Variants in MSRA observed in about 807,000 individuals in gnomAD.
MSRA encodes the protein mitochondrial peptide methionine sulfoxide reductase.
In MSRA, 54 loss-of-function variants were observed where a neutral mutation model predicts 31.3. The ratio of observed to expected loss-of-function variants is 1.73; its 90% confidence interval spans 1.39 to 2.17. The LOEUF is 2.17. MSRA is among the 30% of genes most tolerant of loss of function. The probability of loss-of-function intolerance (pLI) is 0.00; values close to 1 mark genes in which losing one functional copy is unlikely to be tolerated. For missense variants in MSRA, 507 were observed against 300.9 expected (o/e 1.69, Z -5.07); for synonymous variants, 169 against 116.5 (o/e 1.45, Z -2.90).
At chr8:10,298,642 A>C (rs1563323797) in intron 3 of MSRA, among the ~76,000 whole-genome samples, 1 of 152,184 alleles carries the variant, frequency 6.6e-6, no homozygotes, top group Non-Finnish European at 1.5e-5. Flanking sequence ...AATCATGAGC[A>C]TTAAATGGCA....
chr8:10,154,197 C>T (rs1390548691), intron 1 of MSRA, among the ~76,000 whole-genome samples: 1 of 152,212 alleles, frequency 6.6e-6, no homozygotes, highest in Admixed American at 6.5e-5. Flanking sequence ...GTCACTGAAT[C>T]TGTGTGGTGG....
intron 3 of MSRA, chr8:10,250,766 C>T (rs930158709): frequency 2.5e-5 from 9 of 357,762 alleles, no homozygotes; most frequent in East Asian, 9.3e-5. Context: ...GTGTCCTGTC[C>T]TGAGCCCGTT....
chr8:10,267,502 A>G (rs532096638), intron 3 of MSRA, among the ~76,000 whole-genome samples: 1 of 152,276 alleles, frequency 6.6e-6, no homozygotes, highest in Non-Finnish European at 1.5e-5. Context: ...TGACTGTGGT[A>G]TATGGCTCAG....
chr8:10,127,148 A>G (rs938886951), intron 1 of MSRA, among the ~76,000 whole-genome samples: 4 of 152,204 alleles, frequency 2.6e-5, no homozygotes, highest in African/African-American at 9.6e-5. Flanking sequence ...TCCTCTCTGT[A>G]GGATATCTGT....
intron 5 of MSRA, among the ~76,000 whole-genome samples, chr8:10,380,172 G>GT (rs1215423286): frequency 2.0e-5 from 3 of 152,316 alleles, no homozygotes; most frequent in Non-Finnish European, 2.9e-5. Flanking sequence ...TCTCTTGCCT[G>GT]TTTTTTGTTT....
intron 1 of MSRA, among the ~76,000 whole-genome samples, chr8:10,181,351 TG>T (rs925229470): frequency 7.9e-5 from 12 of 151,688 alleles, no homozygotes; most frequent in East Asian, 5.8e-4. Context: ...AAACACCCTG[TG>T]GGGGTAAGAA....
At chr8:10,259,853 C>T (rs890822290) in intron 3 of MSRA, among the ~76,000 whole-genome samples, 1 of 152,216 alleles carries the variant, frequency 6.6e-6, no homozygotes, top group African/African-American at 2.4e-5. Context: ...CAGTCGGTGC[C>T]ACCCAGCTCG....
intron 1 of MSRA, among the ~76,000 whole-genome samples, chr8:10,143,466 A>C (rs138293476): frequency 1.5e-3 from 232 of 152,270 alleles, no homozygotes; most frequent in African/African-American, 5.4e-3. Flanking sequence ...AGCGATTGTT[A>C]ATCAGGATTT....
At chr8:10,211,018 G>T (rs1388170081) in intron 2 of MSRA, among the ~76,000 whole-genome samples, 2 of 152,044 alleles carry the variant, frequency 1.3e-5, no homozygotes, top group African/African-American at 4.8e-5. Context: ...TTACAGGCAT[G>T]AGTCATCGCA....
chr8:10,108,348 G>T (rs77741956), intron 1 of MSRA, among the ~76,000 whole-genome samples: 12,200 of 152,162 alleles, frequency 0.08, 618 homozygotes, highest in South Asian at 0.12. Context: ...TCATTAGGTG[G>T]GAGGTACCAC....
chr8:10,196,965 GT>G (rs931068383), intron 1 of MSRA, among the ~76,000 whole-genome samples: 4 of 152,112 alleles, frequency 2.6e-5, no homozygotes, highest in African/African-American at 9.7e-5. Context: ...TGTAAAATAT[GT>G]TTTAGACTCA....
Position 10,280,898 on chromosome 8 carries a change from C to T in MSRA, c.332-20636C>T, listed in dbSNP as rs10092142. Among the ~76,000 whole-genome samples the T allele has an allele frequency of 2.4e-3, 365 of 152,192 alleles. 1 individual carries two copies. The highest frequency in any genetic ancestry group is 8.2e-3 in the African/African-American group (342 of 41,532). On this transcript the variant is annotated intron_variant, in intron 3 of 5. Transcript: ENST00000317173. ...AATGTGCTACATGAAAGAATCCACT[C>T]GCAAAAAACCATAGAGTGTATGATT... is the stretch of plus-strand genomic sequence containing the variant.
intron 1 of MSRA, among the ~76,000 whole-genome samples, chr8:10,088,694 C>G (rs1174440448): frequency 6.6e-6 from 1 of 151,976 alleles, no homozygotes; most frequent in Non-Finnish European, 1.5e-5. Flanking sequence ...TGAGATCACA[C>G]CACTGTGCTC....
chr8:10,086,503 C>T (rs990431027), intron 1 of MSRA, among the ~76,000 whole-genome samples: 3 of 152,164 alleles, frequency 2.0e-5, no homozygotes, highest in African/African-American at 7.2e-5. Context: ...TGAAATTTTT[C>T]TACCCTATAT....
chr8:10,421,977 G>T (rs1258700724), intron 5 of MSRA, among the ~76,000 whole-genome samples: 1 of 152,210 alleles, frequency 6.6e-6, no homozygotes, highest in Non-Finnish European at 1.5e-5. Flanking sequence ...CCAGTACTCT[G>T]CAGTAGTTAA....
At chr8:10,269,810 C>A (rs1798935029) in intron 3 of MSRA, among the ~76,000 whole-genome samples, 2 of 152,208 alleles carry the variant, frequency 1.3e-5, no homozygotes, top group Admixed American at 6.5e-5. Context: ...TGCCACCACG[C>A]CCGGCTAATG....
intron 2 of MSRA, among the ~76,000 whole-genome samples, chr8:10,238,402 T>A (rs1022979458): frequency 3.3e-5 from 5 of 152,236 alleles, no homozygotes; most frequent in African/African-American, 1.2e-4. Flanking sequence ...TTTTGGTGTT[T>A]TTAATCTTTT....
At chr8:10,342,004 G>C (rs929262129) in intron 5 of MSRA, among the ~76,000 whole-genome samples, 1 of 152,192 alleles carries the variant, frequency 6.6e-6, no homozygotes, top group African/African-American at 2.4e-5. Context: ...AGGGGCTTTG[G>C]GGAAGCTTAA....
At chr8:10,174,975 G>T (rs1183771182) in intron 1 of MSRA, among the ~76,000 whole-genome samples, 5 of 152,042 alleles carry the variant, frequency 3.3e-5, no homozygotes, top group Admixed American at 3.3e-4. Context: ...AATCCACACA[G>T]CCATCACTTC....
Sources: allele counts gnomAD v4.1 joint callset (sites outside exome capture counted in the v4.1 genomes callset), GRCh38; gene constraint gnomAD v4.1.1; transcripts MANE v1.5; gene names NCBI Gene and HGNC (gene_info 2026-07-23, HGNC 2026-07-21).